CNTFR: variants seen among roughly 807,000 people sequenced by gnomAD.
CNTFR encodes ciliary neurotrophic factor receptor subunit alpha.
Under a neutral mutation model 40.4 loss-of-function variants are expected in CNTFR, and 12 were observed. The ratio of observed to expected loss-of-function variants is 0.30; its 90% CI spans 0.19 to 0.48. The LOEUF is 0.48. CNTFR is among the 20% of genes least tolerant of loss of function. CNTFR has a pLI of 0.99. For missense variants in CNTFR, 414 were observed against 506.8 expected (o/e 0.82, Z 1.76); for synonymous variants, 202 against 209.6 (o/e 0.96, Z 0.31).
chr9:34,587,230 TCTGAGTGTGAGACC>T (rs1405583803), intron 1 of CNTFR, among the ~76,000 whole-genome samples: 6 of 152,248 alleles, frequency 3.9e-5, no homozygotes, highest in Admixed American at 2.6e-4. Flanking sequence ...CTAGTGTAAG[TCTGAGTGTGAGACC>T]CTGGTCATAA....
chr9:34,569,313 C>G (rs1254947066), intron 2 of CNTFR, among the ~76,000 whole-genome samples: 1 of 152,152 alleles, frequency 6.6e-6, no homozygotes, highest in Middle Eastern at 3.2e-3. Context: ...AGAAGGCAAC[C>G]TATGGTGGTT....
Position 34,557,057 on chromosome 9 carries a change from T to C in CNTFR, c.604+469A>G, listed in dbSNP as rs535575879. On this transcript the variant is annotated intron_variant, in intron 6 of 9. Transcript: ENST00000378980. The surrounding 1 kb of genome is among the most constrained non-coding windows in gnomAD (Gnocchi z 4.2). ...GCGGGGGAATAGCAGGCAGAGAGCCTGCCTGGAATAGGGCAGGGGCAGGTA... is the reference window on the plus strand; with the variant it reads ...GCGGGGGAATAGCAGGCAGAGAGCCCGCCTGGAATAGGGCAGGGGCAGGTA... 4.7e-5 allele frequency among the ~76,000 whole-genome samples: 6 copies of C among 128,820 alleles called. No homozygotes were observed. The East Asian group carries it at 1.6e-3, about 34-fold the overall frequency. 84.5% of individuals were successfully genotyped at this position (128,820 alleles called of 152,430 possible).
chr9:34,574,598 G>C (rs1047331716), intron 2 of CNTFR, among the ~76,000 whole-genome samples: 1 of 152,224 alleles, frequency 6.6e-6, no homozygotes, highest in Non-Finnish European at 1.5e-5. Context: ...GAGGCAGGGG[G>C]AGTGGTCCCC....
intron 7 of CNTFR, 135 bp downstream of exon 7, chr9:34,556,120 C>T: frequency 9.8e-7 from 1 of 1,020,134 alleles, no homozygotes; most frequent in South Asian, 1.5e-5. Flanking sequence ...CCAGGCCCAC[C>T]TGTCCCTTTT....
Position 34,564,626 on chromosome 9 carries a change from G to T in CNTFR, c.292C>A (p.Arg98Ser). Residue 98 changes from arginine (R) to serine (S), a missense_variant, in exon 4 of 10, where the codon CGC (arginine) becomes AGC (serine). Around this residue, in one of 3 missense-constraint regions of CNTFR, gnomAD observed 250 missense variants for 269.5 expected, o/e 0.93. Coordinates refer to ENST00000378980, the MANE Select transcript of CNTFR (RefSeq NM_147164.3). ...ACFHRDSWHLRHQVLLHVGLP... is the reference protein window; with the variant it reads ...ACFHRDSWHLSHQVLLHVGLP... ...CCCACATGCAGCAGGACTTGGTGGC[G>T]CAGGTGCCAGGAGTCACGGTGGAAG... The T allele has an allele frequency of 6.2e-7, 1 of 1,611,968 alleles. No individual in the cohort carries two copies. The highest frequency in any genetic ancestry group is 8.5e-7 in the Non-Finnish European group (1 of 1,179,180).
At position 34,557,243 on chromosome 9, in the gene CNTFR, G is replaced by GC. The variant is rs541407214; in HGVS notation, c.604+282dup. ...GCTGCACAAGGGTCTGGCCCAGCCT[G>GC]CCCCCCCTTCCCCCTGCTGCATGTT... On this transcript the variant is annotated intron_variant, in intron 6 of 9. Transcript: ENST00000378980. This position sits in a 1 kb window ranked among gnomAD's most constrained non-coding sequence, Gnocchi z 4.2. Among the ~76,000 whole-genome samples the GC allele has an allele frequency of 6.6e-5, 10 of 152,110 alleles. No homozygotes were observed. In the South Asian group the frequency reaches 2.1e-3, roughly 32 times the overall value.
At chr9:34,560,731 C>T (rs539898591) in intron 4 of CNTFR, among the ~76,000 whole-genome samples, 7 of 152,370 alleles carry the variant, frequency 4.6e-5, no homozygotes, top group African/African-American at 1.4e-4. Context: ...CTGGGTTGCC[C>T]CTTGTGGGGG....
At chr9:34,553,518 G>A (rs1825716920) in intron 7 of CNTFR, among the ~76,000 whole-genome samples, 1 of 152,216 alleles carries the variant, frequency 6.6e-6, no homozygotes, top group South Asian at 2.1e-4. Context: ...TCTGGTCAGA[G>A]CCTGGGTTCC....
At chr9:34,586,534 T>C (rs1347629137) in intron 1 of CNTFR, among the ~76,000 whole-genome samples, 1 of 152,158 alleles carries the variant, frequency 6.6e-6, no homozygotes, top group Non-Finnish European at 1.5e-5. Context: ...TGTGTGTGTG[T>C]ATGGGGCGGG....
At chr9:34,562,639 C>T (rs529248895) in intron 4 of CNTFR, among the ~76,000 whole-genome samples, 61 of 152,288 alleles carry the variant, frequency 4.0e-4, no homozygotes, top group African/African-American at 1.4e-3. Context: ...GTAGCTTCTA[C>T]GGAATAAGGA....
chr9:34,552,757 G>A lies in CNTFR; in HGVS notation c.866C>T (p.Thr289Ile). The A allele has an allele frequency of 6.2e-7, 1 of 1,613,782 alleles. No individual in the cohort carries two copies. The highest frequency in any genetic ancestry group is 8.5e-7 in the Non-Finnish European group (1 of 1,179,922). Residue 289 changes from threonine (T) to isoleucine (I), a missense_variant, in exon 8 of 10, where the codon ACA (threonine) becomes ATA (isoleucine). Coordinates refer to ENST00000378980, the MANE Select transcript of CNTFR (RefSeq NM_147164.3). The surrounding 1 kb of genome is among the most constrained non-coding windows in gnomAD (Gnocchi z 5.1). ...GGCGGCTACGCTCCAGTCACTCCAT[G>A]TCCCAATCTCATTGTCCTTGGCTGC... ...QVAAKDNEIG[T>I]WSDWSVAAHA...
At chr9:34,588,727 C>T (rs1827647979) in intron 1 of CNTFR, among the ~76,000 whole-genome samples, 1 of 152,166 alleles carries the variant, frequency 6.6e-6, no homozygotes, top group African/African-American at 2.4e-5. Flanking sequence ...AGCAAGCGAG[C>T]GAGCTAACGC....
chr9:34,557,555 G>A lies in CNTFR; in HGVS notation c.575C>T (p.Thr192Ile). ...GGTGAACTCGTCAAAGGTGATAGCT[G>A]TGGCATTGTGGCCCAGGGCATTGCT... The part of the protein sequence containing the change: ...SVSNALGHNA[T>I]AITFDEFTIV... Residue 192 changes from threonine to isoleucine, a missense_variant, in exon 6 of 10, where the codon ACA (threonine) becomes ATA (isoleucine). Thr to Ile is a moderately conservative substitution (Grantham distance 89). Transcript: ENST00000378980. This position sits in a 1 kb window ranked among gnomAD's most constrained non-coding sequence, Gnocchi z 4.2. 1 of 1,614,208 alleles carries A rather than the reference G, an allele frequency of 6.2e-7. No individual in the cohort carries two copies. Among genetic ancestry groups the A allele is most frequent in the East Asian group, 2.2e-5 (1 of 44,886 alleles).
intron 2 of CNTFR, among the ~76,000 whole-genome samples, chr9:34,579,706 C>T (rs1221299473): frequency 6.6e-6 from 1 of 152,044 alleles, no homozygotes; most frequent in Non-Finnish European, 1.5e-5. Flanking sequence ...GGGAGAAGCC[C>T]AGAGAGAGGC....
chr9:34,580,854 C>G (rs1827256297), intron 2 of CNTFR, among the ~76,000 whole-genome samples: 1 of 152,184 alleles, frequency 6.6e-6, no homozygotes, highest in Non-Finnish European at 1.5e-5. Context: ...GTATAGAACC[C>G]AGTTTCCTAA....
chr9:34,564,630 G>A lies in CNTFR; in HGVS notation c.288C>T (p.His96=), dbSNP rs145830233. Reference sequence around the variant, plus strand: ...CATGCAGCAGGACTTGGTGGCGCAGGTGCCAGGAGTCACGGTGGAAGCAGG... The same window carrying A: ...CATGCAGCAGGACTTGGTGGCGCAGATGCCAGGAGTCACGGTGGAAGCAGG... ...LYACFHRDSW[H]LRHQVLLHVG... is the part of the protein sequence containing the mutation. The change falls in exon 4 of 10, where the codon CAC becomes CAT. Residue 96 remains histidine, a synonymous_variant. Coordinates refer to ENST00000378980, the MANE Select transcript of CNTFR (RefSeq NM_147164.3). 9 of 1,612,684 alleles carry A rather than the reference G, an allele frequency of 5.6e-6. No homozygotes were observed. Among genetic ancestry groups the A allele is most frequent in the Non-Finnish European group, 7.6e-6 (9 of 1,179,500 alleles).
chr9:34,561,332 A>T (rs1257987343), intron 4 of CNTFR, among the ~76,000 whole-genome samples: 3 of 152,238 alleles, frequency 2.0e-5, no homozygotes, highest in Admixed American at 1.3e-4. Context: ...TAAAAGTTTT[A>T]AAAAACTGGA....
chr9:34,559,792 C>T (rs568390506), intron 4 of CNTFR, among the ~76,000 whole-genome samples: 22 of 152,226 alleles, frequency 1.4e-4, no homozygotes, highest in African/African-American at 4.8e-4. Flanking sequence ...GTGCAGAGTC[C>T]GCTCCCTGCT....
In CNTFR at chr9:34,557,924, C is replaced by T; in HGVS notation, c.380G>A (p.Cys127Tyr). ...GGTGGGGGTGGGCAGATGCCAGCTG[C>T]AGTAGAAGCCCTTGGGGTAAGTGTT... ...RSNTYPKGFYCSWHLPTPTYI... is the reference protein window; with the variant it reads ...RSNTYPKGFYYSWHLPTPTYI... The change falls in exon 5 of 10, where the codon TGC (cysteine) becomes TAC (tyrosine). Residue 127 changes from cysteine (C) to tyrosine (Y), a missense_variant. By Grantham distance (194) the Cys-to-Tyr change is radical. Transcript: ENST00000378980. The surrounding 1 kb of genome is among the most constrained non-coding windows in gnomAD (Gnocchi z 4.2). 6.3e-7 allele frequency: 1 copy of T among 1,575,446 alleles called. No homozygotes were observed. The highest frequency in any genetic ancestry group is 8.6e-7 in the Non-Finnish European group (1 of 1,160,862).
Sources: allele counts gnomAD v4.1 joint callset (sites outside exome capture counted in the v4.1 genomes callset), GRCh38; gene constraint gnomAD v4.1.1; regional missense constraint gnomAD v4.1.1; non-coding constraint Gnocchi (gnomAD v3.1); transcripts MANE v1.5; gene names NCBI Gene and HGNC (gene_info 2026-07-23, HGNC 2026-07-21).